The following MDGA2 variants were observed in gnomAD, a reference collection of about 807,000 sequenced individuals.
The protein encoded by MDGA2 is MAM domain-containing glycosylphosphatidylinositol anchor protein 2.
In MDGA2, 40 loss-of-function variants were observed where a neutral mutation model predicts 117.8. The ratio of observed to expected loss-of-function variants is 0.34; its 90% CI spans 0.26 to 0.44. The LOEUF (loss-of-function observed/expected upper bound fraction) is 0.44, where lower values mean the gene tolerates loss of function less well. MDGA2 is among the 20% of genes least tolerant of loss of function. MDGA2 has a pLI of 1.00. For missense variants in MDGA2, 1,123 were observed against 1,250.6 expected, an observed-to-expected ratio of 0.90 and a Z score of 1.54; for synonymous variants, 452 against 439.0, an observed-to-expected ratio of 1.03 and a Z score of -0.37.
At chr14:47,576,378 T>C (rs964221181) in intron 1 of MDGA2, among the ~76,000 whole-genome samples, 5 of 152,158 alleles carry the variant, frequency 3.3e-5, no homozygotes, top group Admixed American at 6.5e-5. Context: ...CAACTAAAAA[T>C]AGAGAGATTC....
chr14:47,125,258 C>T (rs926338098), intron 5 of MDGA2, among the ~76,000 whole-genome samples: 9 of 152,030 alleles, frequency 5.9e-5, no homozygotes, highest in East Asian at 5.8e-4. Flanking sequence ...TGTAGCATAT[C>T]GCAAGAGAAA....
At chr14:47,317,516 C>CT (rs1041192079) in intron 1 of MDGA2, among the ~76,000 whole-genome samples, 8 of 151,636 alleles carry the variant, frequency 5.3e-5, no homozygotes, top group Non-Finnish European at 8.8e-5. Flanking sequence ...GCATTTATAC[C>CT]TTTTTTTTGG....
intron 8 of MDGA2, among the ~76,000 whole-genome samples, chr14:46,982,705 C>CAAAAAAAAAAAAA (rs59530070): frequency 1.5e-4 from 7 of 45,936 alleles, no homozygotes; most frequent in African/African-American, 5.6e-4. Context: ...GAGACTCCAT[C>CAAAAAAAAAAAAA]AAAAAAAAAA....
rs111948408 is a variant in MDGA2 at position 46,982,752 on chromosome 14, C to T, written c.1820-25109G>A. Among the ~76,000 whole-genome samples the T allele has an allele frequency of 2.7e-5, 4 of 146,290 alleles. No individual in the cohort carries two copies. In the East Asian group the frequency reaches 8.0e-4, roughly 29 times the overall value. ...AAAAAAAAAATCATGTCATCTGCAA[C>T]CAGGGACAATTTGACTTCCCCTTTT... On this transcript the variant is annotated intron_variant, in intron 8 of 16. Coordinates refer to ENST00000399232, the MANE Select transcript of MDGA2 (RefSeq NM_001113498.3).
At chr14:47,439,342 T>A (rs1892957072) in intron 1 of MDGA2, among the ~76,000 whole-genome samples, 1 of 152,252 alleles carries the variant, frequency 6.6e-6, no homozygotes, top group Admixed American at 6.5e-5. Context: ...TGTGTGTATG[T>A]GTGTGTATGT....
intron 2 of MDGA2, among the ~76,000 whole-genome samples, chr14:47,250,347 T>A (rs1041341507): frequency 1.3e-5 from 2 of 152,242 alleles, no homozygotes; most frequent in African/African-American, 4.8e-5. Flanking sequence ...GCTGTATTTT[T>A]AAAGTTTTAT....
At position 46,877,484 on chromosome 14, in the gene MDGA2, C is replaced by T; in HGVS notation, c.2437+5G>A. The T allele has an allele frequency of 6.8e-7, 1 of 1,468,548 alleles. No homozygotes were observed. Among genetic ancestry groups the T allele is most frequent in the Non-Finnish European group, 9.3e-7 (1 of 1,072,870 alleles). 91.0% of individuals were successfully genotyped at this position (1,468,548 alleles called of 1,614,324 possible). On this transcript the variant is annotated splice_donor_5th_base_variant and intron_variant, in intron 12 of 16. Transcript: ENST00000399232. ...GTGCCATTTTGTAAGTTAAAATATACTTACTCAAATGAGGATTTACAGGAG... is the reference window on the plus strand; with the variant it reads ...GTGCCATTTTGTAAGTTAAAATATATTTACTCAAATGAGGATTTACAGGAG...
chr14:47,523,067 T>C (rs1349690417), intron 1 of MDGA2, among the ~76,000 whole-genome samples: 1 of 152,208 alleles, frequency 6.6e-6, no homozygotes, highest in African/African-American at 2.4e-5. Flanking sequence ...ATCAGTATTG[T>C]TGTGTACATT....
intron 1 of MDGA2, among the ~76,000 whole-genome samples, chr14:47,365,924 G>A (rs1006739759): frequency 1.3e-5 from 2 of 151,786 alleles, no homozygotes; most frequent in African/African-American, 2.4e-5. Context: ...TAACTCTTTC[G>A]TCATTTTTGT....
chr14:47,338,603 A>C (rs553275780), intron 1 of MDGA2, among the ~76,000 whole-genome samples: 1 of 152,210 alleles, frequency 6.6e-6, no homozygotes, highest in East Asian at 1.9e-4. Context: ...TAGGTTGGTG[A>C]AGAGTGGTAG....
intron 12 of MDGA2, among the ~76,000 whole-genome samples, chr14:46,875,758 A>G (rs1189508886): frequency 6.6e-6 from 1 of 151,608 alleles, no homozygotes; most frequent in African/African-American, 2.4e-5. Flanking sequence ...TTTGATTTTG[A>G]ATGTTTTCAG....
At chr14:46,931,503 A>C (rs1365708339) in intron 9 of MDGA2, among the ~76,000 whole-genome samples, 1 of 148,404 alleles carries the variant, frequency 6.7e-6, no homozygotes, top group Non-Finnish European at 1.5e-5. Context: ...GTTTCATTCC[A>C]ATTGCTTTTA....
chr14:46,845,142 C>G (rs1880780453), intron 16 of MDGA2, among the ~76,000 whole-genome samples: 1 of 152,178 alleles, frequency 6.6e-6, no homozygotes, highest in Non-Finnish European at 1.5e-5. Flanking sequence ...CTCGGCCTCC[C>G]AAAGTGCTGG....
chr14:47,614,649 C>T (rs1566542498), intron 1 of MDGA2, among the ~76,000 whole-genome samples: 1 of 152,150 alleles, frequency 6.6e-6, no homozygotes, highest in Non-Finnish European at 1.5e-5. Context: ...TGATTTAAAA[C>T]CCTCCAGTGG....
intron 1 of MDGA2, among the ~76,000 whole-genome samples, chr14:47,603,064 T>C (rs1896676542): frequency 6.6e-6 from 1 of 152,190 alleles, no homozygotes; most frequent in African/African-American, 2.4e-5. Flanking sequence ...CAAGTTCATC[T>C]AGCCAATTTA....
At chr14:46,857,402 C>T (rs925941753) in intron 14 of MDGA2, among the ~76,000 whole-genome samples, 3 of 151,904 alleles carry the variant, frequency 2.0e-5, no homozygotes, top group Non-Finnish European at 2.9e-5. Context: ...TTTTTTTCCA[C>T]GTATTAAAGG....
chr14:47,006,318 CGTT>C (rs71112477), intron 8 of MDGA2, among the ~76,000 whole-genome samples: 15,846 of 149,476 alleles, frequency 0.11, 1,071 homozygotes, highest in Middle Eastern at 0.17. Context: ...TTTGAAATAA[CGTT>C]GTCTCCATTT....
At chr14:47,170,390 A>G (rs1884071615) in intron 3 of MDGA2, among the ~76,000 whole-genome samples, 1 of 152,186 alleles carries the variant, frequency 6.6e-6, no homozygotes. Context: ...GTCAGAGCCA[A>G]CTATGTGTCT....
chr14:46,995,977 A>C (rs1043262550), intron 8 of MDGA2, among the ~76,000 whole-genome samples: 2 of 152,082 alleles, frequency 1.3e-5, no homozygotes, highest in South Asian at 4.1e-4. Flanking sequence ...TTTAAAAAAA[A>C]GCACTGGTCT....
Sources: gnomAD v4.1 joint callset for allele counts (sites outside exome capture counted in the v4.1 genomes callset) on GRCh38, gnomAD v4.1.1 for gene constraint, MANE v1.5 for transcripts, NCBI Gene and HGNC (gene_info 2026-07-23, HGNC 2026-07-21) for gene names.